The following TNFRSF13B variants were observed in gnomAD, a reference collection of about 807,000 sequenced individuals.
TNFRSF13B encodes the protein tumor necrosis factor receptor superfamily member 13B.
TNFRSF13B carries 34 observed loss-of-function variants against 24.0 expected under a neutral mutation model. The ratio of observed to expected loss-of-function variants is 1.41; its 90% CI spans 1.08 to 1.88. TNFRSF13B has a LOEUF of 1.88. TNFRSF13B is among the 40% of genes most tolerant of loss of function. The pLI, the probability that TNFRSF13B is intolerant of heterozygous loss-of-function variation, is 0.00. For missense variants in TNFRSF13B, 415 were observed against 380.8 expected (o/e 1.09, Z -0.75); for synonymous variants, 173 against 150.3 (o/e 1.15, Z -1.10).
chr17:16,972,027 G>C lies in TNFRSF13B; in HGVS notation c.49C>G (p.Gln17Glu), dbSNP rs764951604. 1 of 1,614,088 alleles carries C rather than the reference G, an allele frequency of 6.2e-7. No homozygotes were observed. The highest frequency in any genetic ancestry group is 8.5e-7 in the Non-Finnish European group (1 of 1,180,026). The change falls in exon 1 of 5, where the codon CAG becomes GAG. Residue 17 changes from glutamine to glutamate, a missense_variant. Gln to Glu is a conservative substitution (Grantham distance 29). Coordinates refer to ENST00000261652, the MANE Select transcript of TNFRSF13B (RefSeq NM_012452.3). Reference protein sequence around the residue: ...SRRGGRSRVDQEERFPQGLWT... With the variant: ...SRRGGRSRVDEEERFPQGLWT... ...CCCGGCTACTCACAGCGCTCCTCCT[G>C]GTCCACACGGCTCCGGCCACCTCGC...
chr17:16,949,727 C>T (rs370175712), intron 2 of TNFRSF13B, among the ~76,000 whole-genome samples: 296 of 151,424 alleles, frequency 2.0e-3, no homozygotes, highest in African/African-American at 6.8e-3. Flanking sequence ...CTCCTGTCAC[C>T]CAGGCTGGAG....
At chr17:16,970,076 A>G (rs780945853) in intron 1 of TNFRSF13B, among the ~76,000 whole-genome samples, 1 of 152,204 alleles carries the variant, frequency 6.6e-6, no homozygotes, top group Non-Finnish European at 1.5e-5. Flanking sequence ...GACTGACCAG[A>G]CAGCAGATGC....
rs185367821 is a variant in TNFRSF13B, at chr17:16,942,386, G to C, written c.446-1875C>G. The stretch of plus-strand genomic sequence containing the variant: ...CTTTTAGATTCAGGAATCTCATAAA[G>C]TGACAGAGCTGCCAGGACTCTTAGG... On this transcript the variant is annotated intron_variant, in intron 3 of 4. Coordinates refer to ENST00000261652, the MANE Select transcript of TNFRSF13B (RefSeq NM_012452.3). Among the ~76,000 whole-genome samples the C allele has an allele frequency of 1.9e-4, 29 of 152,314 alleles. No homozygotes were observed. In the East Asian group the frequency reaches 4.6e-3, roughly 24 times the overall value.
intron 3 of TNFRSF13B, among the ~76,000 whole-genome samples, chr17:16,945,891 C>G (rs907176853): frequency 6.6e-6 from 1 of 152,170 alleles, no homozygotes; most frequent in Non-Finnish European, 1.5e-5. Context: ...AGAAATGCAG[C>G]GGTGGTGATG....
intron 1 of TNFRSF13B, among the ~76,000 whole-genome samples, chr17:16,967,674 C>T (rs1431046847): frequency 1.4e-5 from 2 of 147,478 alleles, no homozygotes; most frequent in Non-Finnish European, 3.0e-5. Context: ...ATGGCGTGAA[C>T]CCAGGAGGCG....
At chr17:16,963,325 G>T (rs1163916874) in intron 1 of TNFRSF13B, among the ~76,000 whole-genome samples, 2 of 152,190 alleles carry the variant, frequency 1.3e-5, no homozygotes, top group African/African-American at 4.8e-5. Context: ...AAAAATTTTA[G>T]GGGCCAATTC....
At chr17:16,966,910 C>T (rs1214582558) in intron 1 of TNFRSF13B, among the ~76,000 whole-genome samples, 2 of 141,186 alleles carry the variant, frequency 1.4e-5, no homozygotes, top group African/African-American at 5.3e-5. Flanking sequence ...GCGATCTCGG[C>T]TCACTGAAAC....
intron 2 of TNFRSF13B, among the ~76,000 whole-genome samples, chr17:16,950,571 G>A (rs527585356): frequency 1.1e-4 from 17 of 152,250 alleles, no homozygotes; most frequent in African/African-American, 3.6e-4. Flanking sequence ...CTATCCCCAG[G>A]GCGCCCCTGA....
chr17:16,970,620 T>C (rs2087737098), intron 1 of TNFRSF13B, among the ~76,000 whole-genome samples: 1 of 152,212 alleles, frequency 6.6e-6, no homozygotes. Context: ...GACAGTCTTC[T>C]TCATTTTACA....
intron 3 of TNFRSF13B, among the ~76,000 whole-genome samples, chr17:16,947,501 A>G (rs1456166247): frequency 6.6e-6 from 1 of 152,230 alleles, no homozygotes; most frequent in African/African-American, 2.4e-5. Flanking sequence ...ACAATTCAAA[A>G]AGCAAACAAC....
chr17:16,939,447 GTCTC>G lies in TNFRSF13B; in HGVS notation c.*96_*99del, dbSNP rs1294682638. On this transcript the variant is annotated 3_prime_UTR_variant, in exon 5 of 5. Transcript: ENST00000261652. ...GTTTCTCTCCCTCTCTGCCTCCTCT[GTCTC>G]TCTCTCCTCATATCTCTCTCCCCTC... The G allele has an allele frequency of 9.5e-6, 13 of 1,373,524 alleles. No individual in the cohort carries two copies. Among genetic ancestry groups the G allele is most frequent in the Non-Finnish European group, 1.2e-5 (12 of 1,017,150 alleles). 85.1% of individuals were successfully genotyped at this position (1,373,524 alleles called of 1,614,324 possible).
At chr17:16,948,308 C>T (rs12603019) in intron 3 of TNFRSF13B, among the ~76,000 whole-genome samples, 3,650 of 152,146 alleles carry the variant, frequency 0.024, 185 homozygotes, top group East Asian at 0.21. Context: ...ACCCATGTAA[C>T]AAACCCTACA....
At chr17:16,946,691 A>G (rs1206746066) in intron 3 of TNFRSF13B, among the ~76,000 whole-genome samples, 1 of 151,654 alleles carries the variant, frequency 6.6e-6, no homozygotes, top group Non-Finnish European at 1.5e-5. Context: ...GGGTTCAAAC[A>G]ATTCTCCTGC....
intron 1 of TNFRSF13B, among the ~76,000 whole-genome samples, chr17:16,964,662 A>C (rs562796147): frequency 6.6e-6 from 1 of 152,132 alleles, no homozygotes; most frequent in Non-Finnish European, 1.5e-5. Flanking sequence ...TTCTAAAGGA[A>C]GAAGAACTTA....
chr17:16,966,289 C>T (rs541608564), intron 1 of TNFRSF13B, among the ~76,000 whole-genome samples: 156 of 150,888 alleles, frequency 1.0e-3, no homozygotes, highest in African/African-American at 3.7e-3. Context: ...AAACAAAAAA[C>T]GACAACAACA....
chr17:16,946,470 C>T (rs1597660007), intron 3 of TNFRSF13B, among the ~76,000 whole-genome samples: 1 of 152,208 alleles, frequency 6.6e-6, no homozygotes, highest in Admixed American at 6.5e-5. Context: ...TGGCACTTAC[C>T]AGATGCCCAG....
At chr17:16,953,656 T>C (rs2087605294) in intron 1 of TNFRSF13B, among the ~76,000 whole-genome samples, 1 of 152,206 alleles carries the variant, frequency 6.6e-6, no homozygotes, top group Non-Finnish European at 1.5e-5. Context: ...TTACTGTGAA[T>C]CTTCCACTGT....
At chr17:16,949,686 A>AT (rs58362582) in intron 2 of TNFRSF13B, among the ~76,000 whole-genome samples, 5,217 of 144,278 alleles carry the variant, frequency 0.036, 129 homozygotes, top group Middle Eastern at 0.082. Flanking sequence ...AATATTTCTA[A>AT]TTTTTTTTTT....
intron 1 of TNFRSF13B, among the ~76,000 whole-genome samples, 187 bp downstream of exon 1, chr17:16,971,828 C>T (rs1192615563): frequency 1.3e-5 from 2 of 152,156 alleles, no homozygotes; most frequent in Non-Finnish European, 2.9e-5. Flanking sequence ...AAGGCAAGCC[C>T]CACATCCCAG....
Sources: allele counts gnomAD v4.1 joint callset (sites outside exome capture counted in the v4.1 genomes callset), GRCh38; gene constraint gnomAD v4.1.1; transcripts MANE v1.5; gene names NCBI Gene and HGNC (gene_info 2026-07-23, HGNC 2026-07-21).